The following LARGE1 variants were observed in gnomAD, a reference collection of about 807,000 sequenced individuals.
The protein encoded by LARGE1 is xylosyl- and glucuronyltransferase LARGE1.
LARGE1 carries 43 observed loss-of-function variants against 87.6 expected under a neutral mutation model. That is an observed-to-expected ratio of 0.49 (90% CI 0.38 to 0.63). LARGE1 has a LOEUF of 0.63. Ranked by LOEUF, LARGE1 falls within the 30% of genes least tolerant of loss-of-function variation. The pLI is 0.00. For synonymous variants in LARGE1, 434 were observed against 394.6 expected, an observed-to-expected ratio of 1.10 and a Z score of -1.18; for missense variants, 802 against 1,000.2, an observed-to-expected ratio of 0.80 and a Z score of 2.67.
intron 2 of LARGE1, among the ~76,000 whole-genome samples, chr22:33,740,067 C>T (rs1481737028): frequency 2.0e-5 from 3 of 152,122 alleles, no homozygotes; most frequent in Non-Finnish European, 2.9e-5. Flanking sequence ...TTAAACATGC[C>T]GATCCCTAAC....
chr22:33,414,789 T>A (rs1252926586), intron 7 of LARGE1, among the ~76,000 whole-genome samples: 1 of 152,104 alleles, frequency 6.6e-6, no homozygotes, highest in Non-Finnish European at 1.5e-5. Flanking sequence ...TCCTCAAGAA[T>A]GGGATTTGTG....
chr22:33,574,686 T>TTGTGTG (rs3986017), intron 5 of LARGE1, among the ~76,000 whole-genome samples: 3 of 143,974 alleles, frequency 2.1e-5, no homozygotes, highest in Non-Finnish European at 4.5e-5. Context: ...ATATAAACAA[T>TTGTGTG]TGTGTGTGTG....
At chr22:33,475,239 A>G (rs969739236) in intron 6 of LARGE1, among the ~76,000 whole-genome samples, 6 of 152,126 alleles carry the variant, frequency 3.9e-5, no homozygotes, top group African/African-American at 1.4e-4. Context: ...TCCTATTTGC[A>G]TCACTTTACC....
chr22:33,205,538 A>G (rs991461236), intron 11 of LARGE1, among the ~76,000 whole-genome samples: 2 of 152,236 alleles, frequency 1.3e-5, no homozygotes, highest in Non-Finnish European at 2.9e-5. Context: ...TGGGTAATGT[A>G]ATAGTGTTTC....
At chr22:33,758,558 C>T (rs1419690765) in intron 2 of LARGE1, among the ~76,000 whole-genome samples, 5 of 152,196 alleles carry the variant, frequency 3.3e-5, no homozygotes, top group Non-Finnish European at 4.4e-5. Context: ...AGATACAGCA[C>T]CTACACCCAG....
intron 11 of LARGE1, among the ~76,000 whole-genome samples, chr22:33,168,032 A>G (rs561726328): frequency 6.6e-6 from 1 of 152,142 alleles, no homozygotes; most frequent in African/African-American, 2.4e-5. Context: ...TCTTAAGACA[A>G]AAGTCTTTTT....
chr22:33,572,763 G>C (rs2078243667), intron 5 of LARGE1, among the ~76,000 whole-genome samples: 1 of 152,116 alleles, frequency 6.6e-6, no homozygotes. Flanking sequence ...CCAGCTACTT[G>C]GGAGACTGAG....
intron 2 of LARGE1, chr22:33,746,445 T>C (rs1383477281): frequency 1.3e-5 from 2 of 152,324 alleles, no homozygotes; most frequent in Middle Eastern, 3.4e-3. Flanking sequence ...GATTCGGAGA[T>C]GACTACGGAA....
intron 6 of LARGE1, among the ~76,000 whole-genome samples, chr22:33,521,996 G>C (rs1445268125): frequency 6.6e-6 from 1 of 152,146 alleles, no homozygotes; most frequent in Non-Finnish European, 1.5e-5. Context: ...GAGAGAAAGG[G>C]CAGGTGCCAG....
rs75431054 is a variant in LARGE1 at position 33,476,315 on chromosome 22, T to C, written c.788-44050A>G. On this transcript the variant is annotated intron_variant, in intron 6 of 14. Transcript: ENST00000397394. ...GCAAAAGTGACTATTTCTCCACCAC[T>C]CTTCTCACTGTAAATTGTGTGTTCA... Among the ~76,000 whole-genome samples, 811 of 152,320 alleles carry C rather than the reference T, an allele frequency of 5.3e-3. 6 individuals are homozygous for C. Among genetic ancestry groups the C allele is most frequent in the African/African-American group, 0.018 (733 of 41,566 alleles).
intron 1 of LARGE1, among the ~76,000 whole-genome samples, chr22:33,762,424 A>G (rs955964235): frequency 1.3e-5 from 2 of 152,046 alleles, no homozygotes; most frequent in Admixed American, 1.3e-4. Context: ...GAGGAGACTG[A>G]GAAAGGCAAT....
In LARGE1 at chr22:33,814,031, C is replaced by T. The variant is rs751051924; in HGVS notation, c.-82-52473G>A. 6.6e-5 allele frequency among the ~76,000 whole-genome samples: 10 copies of T among 152,092 alleles called. No individual in the cohort carries two copies. In the East Asian group the frequency reaches 1.5e-3, roughly 23 times the overall value. On this transcript the variant is annotated intron_variant, in intron 1 of 14. Transcript: ENST00000397394. ...AAAAAGCATCACTGAAGTTAACTTA[C>T]GTATCTCGATGGGGGAAGAAAGACA...
chr22:33,078,477 A>G, the LARGE1 span, among the ~76,000 whole-genome samples: 48,185 of 152,132 alleles, frequency 0.32, 8,036 homozygotes, highest in Non-Finnish European at 0.37. Flanking sequence ...TACTGTTATT[A>G]TACCCATTGT....
the LARGE1 span, among the ~76,000 whole-genome samples, chr22:33,108,277 A>G: frequency 6.6e-6 from 1 of 152,194 alleles, no homozygotes; most frequent in South Asian, 2.1e-4. Context: ...TGTATCAAGC[A>G]CTGGAGAAAG....
chr22:33,384,225 G>A lies in LARGE1; in HGVS notation c.972C>T (p.Leu324=), dbSNP rs1197038492. Reference sequence around the variant, plus strand: ...CTAAGGATGTAGAGAGCATGCCCATGAGCTCCCTCTCTGCGGTCAGCCTCC... The same window carrying A: ...CTAAGGATGTAGAGAGCATGCCCATAAGCTCCCTCTCTGCGGTCAGCCTCC... The part of the protein sequence containing the change: ...QMWRLTAERE[L]MGMLSTSLAD... Residue 324 remains leucine, a synonymous_variant, in exon 8 of 15, where the codon CTC becomes CTT. Coordinates refer to ENST00000397394, the MANE Select transcript of LARGE1 (RefSeq NM_133642.5). 1 of 1,614,132 alleles carries A rather than the reference G, an allele frequency of 6.2e-7. No individual in the cohort carries two copies. Among genetic ancestry groups the A allele is most frequent in the East Asian group, 2.2e-5 (1 of 44,870 alleles).
rs575087863 is a variant in LARGE1, at chr22:33,604,835, A to G, written c.492-277T>C. ...ATTCAGGCCAAACGCCATACCTGTTATTAGGATTCATTTTTTTCTGAAAGC... is the reference window on the plus strand; with the variant it reads ...ATTCAGGCCAAACGCCATACCTGTTGTTAGGATTCATTTTTTTCTGAAAGC... On this transcript the variant is annotated intron_variant, in intron 4 of 14. Coordinates refer to ENST00000397394, the MANE Select transcript of LARGE1 (RefSeq NM_133642.5). Among the ~76,000 whole-genome samples the G allele has an allele frequency of 1.1e-4, 17 of 152,236 alleles. No homozygotes were observed. The South Asian group carries it at 3.5e-3, about 32-fold the overall frequency.
intron 10 of LARGE1, among the ~76,000 whole-genome samples, chr22:33,334,659 C>T (rs933580318): frequency 6.6e-6 from 1 of 152,100 alleles, no homozygotes; most frequent in Non-Finnish European, 1.5e-5. Flanking sequence ...GCATAGTGGT[C>T]AAGGGAGAGA....
chr22:33,738,676 T>A (rs1035654895), intron 2 of LARGE1, among the ~76,000 whole-genome samples: 5 of 151,866 alleles, frequency 3.3e-5, no homozygotes, highest in Non-Finnish European at 7.4e-5. Flanking sequence ...TGAAACCCCG[T>A]CTCTACTAAA....
At chr22:33,669,298 T>C (rs886369358) in intron 2 of LARGE1, among the ~76,000 whole-genome samples, 2 of 152,236 alleles carry the variant, frequency 1.3e-5, no homozygotes, top group African/African-American at 2.4e-5. Context: ...TAGGACATGA[T>C]GTTCTCCTTA....
Sources: allele counts gnomAD v4.1 joint callset (sites outside exome capture counted in the v4.1 genomes callset), GRCh38; gene constraint gnomAD v4.1.1; transcripts MANE v1.5; gene names NCBI Gene and HGNC (gene_info 2026-07-23, HGNC 2026-07-21).